CD82: variants seen among roughly 807,000 people sequenced by gnomAD.
The protein encoded by CD82 is CD82 molecule.
Under a neutral mutation model 37.4 loss-of-function variants are expected in CD82, and 36 were observed. That is an observed-to-expected ratio of 0.96 (90% CI 0.74 to 1.27). The LOEUF is 1.27. Among genes scored for constraint, CD82 ranks in the 50% most tolerant of loss-of-function variants. The pLI, the probability that CD82 is intolerant of heterozygous loss-of-function variation, is 0.00. For missense variants in CD82, 340 were observed against 347.0 expected, an observed-to-expected ratio of 0.98 and a Z score of 0.16; for synonymous variants, 158 against 137.4, an observed-to-expected ratio of 1.15 and a Z score of -1.05.
chr11:44,618,972 T>C, intron 9 of CD82, 77 bp from the exon 10 acceptor site: 2 of 1,278,178 alleles, frequency 1.6e-6, no homozygotes, highest in Non-Finnish European at 2.3e-6. Context: ...AATCCCCATG[T>C]AAACCTGGAT....
intron 4 of CD82, among the ~76,000 whole-genome samples, chr11:44,600,442 G>A (rs892281407): frequency 6.6e-6 from 1 of 152,200 alleles, no homozygotes; most frequent in African/African-American, 2.4e-5. Context: ...CCCGAACAAA[G>A]CTGCTGTTGT....
intron 3 of CD82, among the ~76,000 whole-genome samples, chr11:44,596,261 A>C (rs1030984982): frequency 1.1e-4 from 17 of 152,382 alleles, no homozygotes; most frequent in African/African-American, 3.6e-4. Context: ...GGCAAAGCCA[A>C]GCTTTTCCTG....
Position 44,605,101 on chromosome 11 carries a change from C to G in CD82, c.180C>G (p.Ile60Met), listed in dbSNP as rs146594387. Residue 60 changes from isoleucine (I) to methionine (M), a missense_variant, in exon 5 of 10, where the codon ATC becomes ATG. Ile to Met is a conservative substitution (Grantham distance 10). Coordinates refer to ENST00000227155, the MANE Select transcript of CD82 (RefSeq NM_002231.4). ...TTAGGATGGGGGCCTATGTCTTCATCGGCGTGGGGGCAGTCACTATGCTCA... is the reference window on the plus strand; with the variant it reads ...TTAGGATGGGGGCCTATGTCTTCATGGGCGTGGGGGCAGTCACTATGCTCA... Reference protein sequence around the residue: ...SSLRMGAYVFIGVGAVTMLMG... With the variant: ...SSLRMGAYVFMGVGAVTMLMG... The G allele has an allele frequency of 2.5e-6, 4 of 1,614,102 alleles. No individual in the cohort carries two copies. Among genetic ancestry groups the G allele is most frequent in the Non-Finnish European group, 3.4e-6 (4 of 1,180,050 alleles).
intron 1 of CD82, among the ~76,000 whole-genome samples, chr11:44,580,053 G>A (rs999468350): frequency 1.3e-5 from 2 of 152,190 alleles, no homozygotes; most frequent in Admixed American, 6.5e-5. Context: ...AGAGACAGGT[G>A]AGGGAGAAGA....
upstream of CD82, among the ~76,000 whole-genome samples, chr11:44,564,957 C>T (rs1484222618): frequency 6.6e-6 from 1 of 152,264 alleles, no homozygotes; most frequent in Non-Finnish European, 1.5e-5. Context: ...GTATTCAGCG[C>T]TTGGCATAGA....
In CD82 at chr11:44,570,199, C is replaced by T. The variant is rs1235386203; in HGVS notation, c.-103+4463C>T. On this transcript the variant is annotated intron_variant, in intron 1 of 9. Transcript: ENST00000227155. ...GGCTGGGTCTCCTCACTGTGACGCT[C>T]AGCTTCCTGAGGGGCAGTAGGTCTG... 2.6e-5 allele frequency among the ~76,000 whole-genome samples: 4 copies of T among 152,222 alleles called. No individual in the cohort carries two copies. The East Asian group carries it at 7.7e-4, about 29-fold the overall frequency.
chr11:44,616,538 C>A (rs1853566999), intron 7 of CD82, among the ~76,000 whole-genome samples: 1 of 152,146 alleles, frequency 6.6e-6, no homozygotes, highest in South Asian at 2.1e-4. Flanking sequence ...GATTCTGATG[C>A]TGTCAGATGC....
chr11:44,590,877 C>G (rs147483030), intron 2 of CD82, among the ~76,000 whole-genome samples: 167 of 152,330 alleles, frequency 1.1e-3, no homozygotes, highest in African/African-American at 3.8e-3. Flanking sequence ...GTTGATGCCA[C>G]AGCCCATCGT....
At chr11:44,567,313 C>A (rs1852749994) in intron 1 of CD82, among the ~76,000 whole-genome samples, 1 of 152,136 alleles carries the variant, frequency 6.6e-6, no homozygotes, top group South Asian at 2.1e-4. Flanking sequence ...ATAAGCTGTA[C>A]AGTATGGAAC....
chr11:44,586,612 C>T (rs891885284), intron 1 of CD82, among the ~76,000 whole-genome samples: 6 of 152,170 alleles, frequency 3.9e-5, no homozygotes, highest in South Asian at 4.1e-4. Context: ...GCTGTGTTTA[C>T]ACCATTGCAC....
At chr11:44,611,165 C>A (rs1853475567) in intron 6 of CD82, among the ~76,000 whole-genome samples, 1 of 152,142 alleles carries the variant, frequency 6.6e-6, no homozygotes, top group South Asian at 2.1e-4. Context: ...AACAAGGGGC[C>A]CTGCATTTTT....
At position 44,597,786 on chromosome 11, in the gene CD82, G is replaced by A. The variant is rs540670894; in HGVS notation, c.64-2372G>A. On this transcript the variant is annotated intron_variant, in intron 3 of 9. Coordinates refer to ENST00000227155, the MANE Select transcript of CD82 (RefSeq NM_002231.4). This position sits in a 1 kb window ranked among gnomAD's most constrained non-coding sequence, Gnocchi z 4.1. ...GGTCTGAGATGCAGAGGGAGCAGACGTGGGCCTGAGCACTGGCCCCTGCCT... is the reference window on the plus strand; with the variant it reads ...GGTCTGAGATGCAGAGGGAGCAGACATGGGCCTGAGCACTGGCCCCTGCCT... 1.1e-4 allele frequency among the ~76,000 whole-genome samples: 17 copies of A among 152,338 alleles called. No individual in the cohort carries two copies. The highest frequency in any genetic ancestry group is 4.1e-4 in the African/African-American group (17 of 41,574).
At chr11:44,603,419 G>C (rs998819540) in intron 4 of CD82, among the ~76,000 whole-genome samples, 6 of 152,198 alleles carry the variant, frequency 3.9e-5, no homozygotes, top group African/African-American at 1.4e-4. Flanking sequence ...AGGATCCCCA[G>C]GGAGTCGTGG....
At chr11:44,613,051 T>C (rs1426909648) in intron 6 of CD82, among the ~76,000 whole-genome samples, 1 of 152,176 alleles carries the variant, frequency 6.6e-6, no homozygotes, top group African/African-American at 2.4e-5. Context: ...GGGGAGCTGC[T>C]GGAAGCTCCA....
intron 6 of CD82, among the ~76,000 whole-genome samples, chr11:44,614,011 GTTTTTGT>G: frequency 8.5e-6 from 1 of 118,090 alleles, no homozygotes; most frequent in South Asian, 3.3e-4. Context: ...TTTTGTTGTT[GTTTTTGT>G]TTTTTGTTTT....
chr11:44,582,180 T>C (rs1852989219), intron 1 of CD82, among the ~76,000 whole-genome samples: 1 of 33,416 alleles, frequency 3.0e-5, no homozygotes, highest in Non-Finnish European at 5.9e-5. Context: ...ATCCCAGTGA[T>C]CCTTCCTGGG....
intron 7 of CD82, 124 bp from the exon 8 acceptor site, chr11:44,618,037 TG>T: frequency 4.1e-6 from 3 of 738,782 alleles, no homozygotes; most frequent in Non-Finnish European, 6.7e-6. Context: ...ATGGTTCGGC[TG>T]GGACCAGGGG....
Position 44,585,387 on chromosome 11 carries a change from A to G in CD82, c.-102-2088A>G, listed in dbSNP as rs75323979. 1,965 of 449,732 alleles carry G rather than the reference A, an allele frequency of 4.4e-3. 31 individuals are homozygous for G. The highest frequency in any genetic ancestry group is 0.036 in the African/African-American group (1,786 of 50,076). The allele number at this position is 449,732 out of a possible 1,614,324, so 27.9% of individuals were successfully genotyped here. On this transcript the variant is annotated intron_variant, in intron 1 of 9. Transcript: ENST00000227155. ...CACAACCCATTATTAAGTTCATTTT[A>G]CAGGTGGGAAAGCTGAGGCACAGTG... is the stretch of plus-strand genomic sequence containing the variant.
chr11:44,592,051 T>G (rs545350594), intron 2 of CD82, among the ~76,000 whole-genome samples: 5 of 152,294 alleles, frequency 3.3e-5, no homozygotes, highest in Admixed American at 6.5e-5. Context: ...ACTCCTGACC[T>G]CAGGTCTTCT....
Sources: allele counts gnomAD v4.1 joint callset (sites outside exome capture counted in the v4.1 genomes callset), GRCh38; gene constraint gnomAD v4.1.1; non-coding constraint Gnocchi (gnomAD v3.1); transcripts MANE v1.5; gene names NCBI Gene and HGNC (gene_info 2026-07-23, HGNC 2026-07-21).